Variants in OR2T6 observed in about 807,000 individuals in gnomAD.
OR2T6 encodes olfactory receptor 2T6.
For missense variants in OR2T6, 424 were observed against 391.6 expected (o/e 1.08, Z -0.70); for synonymous variants, 174 against 148.0 (o/e 1.18, Z -1.27).
intron 1 of OR2T6, among the ~76,000 whole-genome samples, chr1:248,380,818 T>G (rs777946715): frequency 2.6e-5 from 4 of 151,698 alleles, no homozygotes; most frequent in Non-Finnish European, 5.9e-5. Flanking sequence ...CTATGGAAGC[T>G]AACTGAATAT....
At chr1:248,382,931 C>A (rs962443200) in intron 1 of OR2T6, among the ~76,000 whole-genome samples, 1 of 152,236 alleles carries the variant, frequency 6.6e-6, no homozygotes, top group Admixed American at 6.5e-5. Flanking sequence ...CAGCGCTCTT[C>A]TTTGCAGCCT....
At chr1:248,378,032 T>C (rs115794579) in intron 1 of OR2T6, among the ~76,000 whole-genome samples, 71 of 152,324 alleles carry the variant, frequency 4.7e-4, no homozygotes, top group African/African-American at 1.6e-3. Context: ...AGTCAACCCA[T>C]TAATGTTGAT....
chr1:248,388,897 G>C lies in OR2T6; in HGVS notation c.*362G>C. ...ATTTTCAATGGCTCCATAAGAACTG[G>C]TGATTTTGACTATATTGTTTAAACA... On this transcript the variant is annotated 3_prime_UTR_variant, in exon 3 of 3. Coordinates refer to ENST00000641644, the MANE Select transcript of OR2T6 (RefSeq NM_001005471.2). The C allele has an allele frequency of 4.3e-6, 1 of 230,184 alleles. No homozygotes were observed. Among genetic ancestry groups the C allele is most frequent in the Non-Finnish European group, 8.4e-6 (1 of 119,390 alleles). 14.3% of individuals were successfully genotyped at this position (230,184 alleles called of 1,614,324 possible).
In OR2T6 at chr1:248,388,532, T is replaced by A. The variant is rs1661191886; in HGVS notation, c.924T>A (p.Cys308Ter). Residue 308 changes from cysteine (C) to a stop codon, truncating the protein, a stop_gained, in exon 3 of 3, where the codon TGT (cysteine) becomes TGA (stop). Coordinates refer to ENST00000641644, the MANE Select transcript of OR2T6 (RefSeq NM_001005471.2). LOFTEE classifies it high-confidence loss of function. The part of the protein sequence containing the change: ...MGALKRVVAR[C>*] Reference sequence around the variant, plus strand: ...CCTTGAAGAGAGTTGTGGCAAGATGTTAGGGGACATGTGGTGTGATGAGGA... The same window carrying A: ...CCTTGAAGAGAGTTGTGGCAAGATGATAGGGGACATGTGGTGTGATGAGGA... 2 of 1,561,746 alleles carry A rather than the reference T, an allele frequency of 1.3e-6. No homozygotes were observed. Among genetic ancestry groups the A allele is most frequent in the Non-Finnish European group, 1.7e-6 (2 of 1,155,760 alleles).
Position 248,389,759 on chromosome 1 carries a change from A to G in OR2T6, c.*1224A>G, listed in dbSNP as rs1208192769. The G allele has an allele frequency of 6.6e-6, 1 of 152,208 alleles. No individual in the cohort carries two copies. The highest frequency in any genetic ancestry group is 1.5e-5 in the Non-Finnish European group (1 of 68,042). 9.4% of individuals were successfully genotyped at this position (152,208 alleles called of 1,614,324 possible). ...CCATACATAATAGTATACTTAATCA[A>G]TATGTAAATGTTATAGGTTTAACAT... On this transcript the variant is annotated 3_prime_UTR_variant, in exon 3 of 3. Transcript: ENST00000641644.
intron 1 of OR2T6, among the ~76,000 whole-genome samples, chr1:248,380,191 G>A (rs1221667934): frequency 1.3e-5 from 2 of 151,766 alleles, no homozygotes; most frequent in Non-Finnish European, 2.9e-5. Context: ...CATATTATGT[G>A]TATGCATGCA....
rs28437787 is a variant in OR2T6, at chr1:248,388,654, C to A, written c.*119C>A. ...ATGATGCTGACAGGAACTTTCAATA[C>A]CAGCTGTGCTAAATGGTGTATCAAC... On this transcript the variant is annotated 3_prime_UTR_variant, in exon 3 of 3. Transcript: ENST00000641644. 0.18 allele frequency: 130,034 copies of A among 704,134 alleles called. 14,517 individuals are homozygous for A. The highest frequency in any genetic ancestry group is 0.41 in the East Asian group (15,414 of 37,340). The allele number at this position is 704,134 out of a possible 1,614,324, so 43.6% of individuals were successfully genotyped here. A position where few individuals can be genotyped will look rare whatever the true frequency, so the allele number is the denominator to read the frequency against.
intron 1 of OR2T6, among the ~76,000 whole-genome samples, chr1:248,380,770 T>C (rs976539199): frequency 7.1e-6 from 1 of 139,938 alleles, no homozygotes; most frequent in Admixed American, 7.5e-5. Flanking sequence ...ATTTTAGAAT[T>C]CTAATATATT....
chr1:248,378,513 A>G (rs2103067529), intron 1 of OR2T6, among the ~76,000 whole-genome samples: 1 of 152,084 alleles, frequency 6.6e-6, no homozygotes, highest in East Asian at 1.9e-4. Flanking sequence ...CCGAATTCTC[A>G]TCTTACTTGT....
At position 248,388,142 on chromosome 1, in the gene OR2T6, C is replaced by T; in HGVS notation, c.534C>T (p.Phe178=). 1 of 1,613,934 alleles carries T rather than the reference C, an allele frequency of 6.2e-7. No homozygotes were observed. The highest frequency in any genetic ancestry group is 8.5e-7 in the Non-Finnish European group (1 of 1,179,996). The change falls in exon 3 of 3, where the codon TTC becomes TTT. Residue 178 remains phenylalanine (F), a synonymous_variant. Transcript: ENST00000641644. ...FCASHQINHF[F]CEAPTMLRLA... is the part of the protein sequence containing the mutation. ...CCTCTCACCAAATCAATCACTTTTT[C>T]TGTGAGGCACCCACCATGCTGAGGC...
chr1:248,388,667 A>G lies in OR2T6; in HGVS notation c.*132A>G, dbSNP rs1014146520. ...GAACTTTCAATACCAGCTGTGCTAA[A>G]TGGTGTATCAACAGTACCCCCATCA... On this transcript the variant is annotated 3_prime_UTR_variant, in exon 3 of 3. Coordinates refer to ENST00000641644, the MANE Select transcript of OR2T6 (RefSeq NM_001005471.2). The G allele has an allele frequency of 3.1e-6, 2 of 641,148 alleles. No individual in the cohort carries two copies. The highest frequency in any genetic ancestry group is 5.2e-6 in the Non-Finnish European group (2 of 386,632). The allele number at this position is 641,148 out of a possible 1,614,324, so 39.7% of individuals were successfully genotyped here. A position where few individuals can be genotyped will look rare whatever the true frequency, so the allele number is the denominator to read the frequency against.
At position 248,388,164 on chromosome 1, in the gene OR2T6, A is replaced by C; in HGVS notation, c.556A>C (p.Arg186=). 6.2e-7 allele frequency: 1 copy of C among 1,613,418 alleles called. No individual in the cohort carries two copies. Among genetic ancestry groups the C allele is most frequent in the Non-Finnish European group, 8.5e-7 (1 of 1,179,934 alleles). The change falls in exon 3 of 3, where the codon AGG becomes CGG. Residue 186 remains arginine, a synonymous_variant. Transcript: ENST00000641644. ...TTTCTGTGAGGCACCCACCATGCTGAGGCTGGCCTGTGGGGACAAAACCAC... is the reference window on the plus strand; with the variant it reads ...TTTCTGTGAGGCACCCACCATGCTGCGGCTGGCCTGTGGGGACAAAACCAC... ...HFFCEAPTML[R]LACGDKTTYE...
rs777611593 is a variant in OR2T6, at chr1:248,388,323, G to T, written c.715G>T (p.Ala239Ser). Reference sequence around the variant, plus strand: ...GGCTGAAGGGAGGAAGAAGGCCTTTGCCACCTGCTCTTCACACATGATGGT... The same window carrying T: ...GGCTGAAGGGAGGAAGAAGGCCTTTTCCACCTGCTCTTCACACATGATGGT... ...TSAEGRKKAF[A>S]TCSSHMMVVT... is the part of the protein sequence containing the mutation. The change falls in exon 3 of 3, where the codon GCC becomes TCC. Residue 239 changes from alanine (A) to serine (S), a missense_variant. By Grantham distance (99) the Ala-to-Ser change is moderately conservative (BLOSUM62 1). Transcript: ENST00000641644. 4 of 1,613,566 alleles carry T rather than the reference G, an allele frequency of 2.5e-6. No homozygotes were observed. The African/African-American group carries it at 4.0e-5, about 16-fold the overall frequency.
In OR2T6 at chr1:248,387,825, T is replaced by C; in HGVS notation, c.217T>C (p.Tyr73His). The change falls in exon 3 of 3, where the codon TAC becomes CAC. Residue 73 changes from tyrosine (Y) to histidine (H), a missense_variant. By Grantham distance (83) the Tyr-to-His change is moderately conservative. Transcript: ENST00000641644. ...LSHLSVIDTL[Y>H]ISTIVPKMLV... ...CCACCTCTCCGTCATTGACACATTA[T>C]ACATCTCCACCATTGTGCCCAAGAT... is the stretch of plus-strand genomic sequence containing the variant. 1 of 1,606,946 alleles carries C rather than the reference T, an allele frequency of 6.2e-7. No homozygotes were observed. Among genetic ancestry groups the C allele is most frequent in the Non-Finnish European group, 8.5e-7 (1 of 1,174,590 alleles).
chr1:248,378,701 C>A (rs1660981207), intron 1 of OR2T6, among the ~76,000 whole-genome samples: 1 of 152,126 alleles, frequency 6.6e-6, no homozygotes, highest in African/African-American at 2.4e-5. Flanking sequence ...TGTTTTTCCC[C>A]AGACAATTCA....
intron 1 of OR2T6, among the ~76,000 whole-genome samples, chr1:248,381,139 A>G (rs1661022685): frequency 6.6e-6 from 1 of 151,946 alleles, no homozygotes; most frequent in Admixed American, 6.6e-5. Flanking sequence ...ATTATTTTAA[A>G]CCATTTTAAT....
chr1:248,389,707 A>T lies in OR2T6; in HGVS notation c.*1172A>T, dbSNP rs1395990750. ...CGTTGTGGGCACACAGACTCAAGCC[A>T]CTCCACAAGTCAGTCAATATTGCAA... is the stretch of plus-strand genomic sequence containing the variant. On this transcript the variant is annotated 3_prime_UTR_variant, in exon 3 of 3. Coordinates refer to ENST00000641644, the MANE Select transcript of OR2T6 (RefSeq NM_001005471.2). 1 of 152,182 alleles carries T rather than the reference A, an allele frequency of 6.6e-6. No homozygotes were observed. Among genetic ancestry groups the T allele is most frequent in the Non-Finnish European group, 1.5e-5 (1 of 68,038 alleles). 9.4% of individuals were successfully genotyped at this position (152,182 alleles called of 1,614,324 possible).
intron 1 of OR2T6, among the ~76,000 whole-genome samples, chr1:248,380,632 C>T (rs1408013291): frequency 6.6e-6 from 1 of 151,682 alleles, no homozygotes; most frequent in Non-Finnish European, 1.5e-5. Context: ...TTAGCTATAT[C>T]CTATAGGCTT....
At chr1:248,386,236 A>G (rs1408290325) in intron 2 of OR2T6, among the ~76,000 whole-genome samples, 3 of 152,202 alleles carry the variant, frequency 2.0e-5, no homozygotes, top group Non-Finnish European at 2.9e-5. Flanking sequence ...AACTTTTAAA[A>G]GATATTCTTA....
Sources: allele counts gnomAD v4.1 joint callset (sites outside exome capture counted in the v4.1 genomes callset), GRCh38; gene constraint gnomAD v4.1.1; transcripts MANE v1.5; gene names NCBI Gene and HGNC (gene_info 2026-07-23, HGNC 2026-07-21).